The following FAM13B variants were observed in gnomAD, a reference collection of about 807,000 sequenced individuals.
FAM13B encodes the protein family with sequence similarity 13 member B, also known as protein FAM13B.
Under a neutral mutation model 117.3 loss-of-function variants are expected in FAM13B, and 60 were observed. That is an observed-to-expected ratio of 0.51 (90% CI 0.42 to 0.63). FAM13B has a LOEUF of 0.63. FAM13B is among the 30% of genes least tolerant of loss of function. The pLI, the probability that FAM13B is intolerant of heterozygous loss-of-function variation, is 0.00. For missense variants in FAM13B, 972 were observed against 1,091.9 expected, an observed-to-expected ratio of 0.89 and a Z score of 1.55; for synonymous variants, 332 against 356.1, an observed-to-expected ratio of 0.93 and a Z score of 0.76.
intron 1 of FAM13B, among the ~76,000 whole-genome samples, chr5:138,025,103 A>AC (rs1045092885): frequency 2.0e-5 from 3 of 151,532 alleles, no homozygotes; most frequent in African/African-American, 7.3e-5. Context: ...CGAACTCCTG[A>AC]CCTCAGGTGA....
At chr5:137,968,749 C>T (rs1255543163) in intron 10 of FAM13B, among the ~76,000 whole-genome samples, 5 of 152,162 alleles carry the variant, frequency 3.3e-5, no homozygotes, top group Admixed American at 6.5e-5. Flanking sequence ...TCAGTGGGTG[C>T]GTGCATCGTG....
intron 7 of FAM13B, among the ~76,000 whole-genome samples, chr5:137,993,516 C>T (rs1296644432): frequency 6.6e-6 from 1 of 151,842 alleles, no homozygotes; most frequent in African/African-American, 2.4e-5. Context: ...AGCATGGTGG[C>T]TCATGCCTAT....
In FAM13B at chr5:138,026,500, G is replaced by A. The variant is rs1243644459; in HGVS notation, c.-202-5303C>T. On this transcript the variant is annotated intron_variant, in intron 1 of 23. Coordinates refer to ENST00000689681, the MANE Select transcript of FAM13B (RefSeq NM_001385994.1). ...AAATTAGCTGGGCATGATGTCATGCGCCTGCAGTCCCAGCTACTCGGGAGG... is the reference window on the plus strand; with the variant it reads ...AAATTAGCTGGGCATGATGTCATGCACCTGCAGTCCCAGCTACTCGGGAGG... Among the ~76,000 whole-genome samples, 7 of 151,026 alleles carry A rather than the reference G, an allele frequency of 4.6e-5. No individual in the cohort carries two copies. In the East Asian group the frequency reaches 9.8e-4, roughly 21 times the overall value.
At chr5:137,998,740 A>G (rs1341493560) in intron 7 of FAM13B, among the ~76,000 whole-genome samples, 1 of 152,266 alleles carries the variant, frequency 6.6e-6, no homozygotes, top group Non-Finnish European at 1.5e-5. Flanking sequence ...ACTTTAACAA[A>G]TGTGCCAACT....
intron 2 of FAM13B, among the ~76,000 whole-genome samples, chr5:138,020,167 TCTC>T (rs1786329353): frequency 6.6e-6 from 1 of 151,766 alleles, no homozygotes; most frequent in Non-Finnish European, 1.5e-5. Flanking sequence ...TTCAGGCGGT[TCTC>T]CTGCCTCAGC....
At chr5:138,001,910 AAG>A (rs1014011599) in intron 7 of FAM13B, among the ~76,000 whole-genome samples, 3 of 152,190 alleles carry the variant, frequency 2.0e-5, no homozygotes, top group Non-Finnish European at 2.9e-5. Flanking sequence ...AGAATGACCA[AAG>A]AGAGAGCAGG....
At chr5:137,969,892 A>G (rs1771491657) in intron 10 of FAM13B, among the ~76,000 whole-genome samples, 1 of 152,192 alleles carries the variant, frequency 6.6e-6, no homozygotes, top group Admixed American at 6.5e-5. Context: ...AAATGAAGCG[A>G]GAAGGGAAGT....
intron 18 of FAM13B, among the ~76,000 whole-genome samples, chr5:137,948,306 C>A (rs1370528850): frequency 1.3e-5 from 2 of 152,072 alleles, no homozygotes; most frequent in African/African-American, 2.4e-5. Context: ...TAAAATATAA[C>A]CAGCCAACGT....
At chr5:137,971,820 A>T (rs1459953322) in intron 10 of FAM13B, among the ~76,000 whole-genome samples, 1 of 151,958 alleles carries the variant, frequency 6.6e-6, no homozygotes, top group African/African-American at 2.4e-5. Context: ...ACCATCAGAG[A>T]ATACTACAAA....
At chr5:137,966,492 G>T (rs71587265) in intron 10 of FAM13B, among the ~76,000 whole-genome samples, 4,037 of 88,236 alleles carry the variant, frequency 0.046, 60 homozygotes, top group South Asian at 0.073. Flanking sequence ...TATATATAGA[G>T]AGAGAGAGAG....
chr5:138,042,757 G>C (rs879027230), intron 1 of FAM13B, among the ~76,000 whole-genome samples: 2 of 152,042 alleles, frequency 1.3e-5, no homozygotes, highest in Non-Finnish European at 2.9e-5. Flanking sequence ...TCTTATTCTT[G>C]ATATGAGCTG....
chr5:138,004,626 A>AT (rs1782099469), intron 7 of FAM13B, among the ~76,000 whole-genome samples: 1 of 152,244 alleles, frequency 6.6e-6, no homozygotes, highest in Admixed American at 6.5e-5. Context: ...TTACATTTAA[A>AT]TACACACAAG....
rs768119027 is a variant in FAM13B, at chr5:137,954,258, T to C, written c.1626A>G (p.Leu542=). Residue 542 remains leucine (L), a synonymous_variant, in exon 15 of 24, where the codon TTA becomes TTG. Coordinates refer to ENST00000689681, the MANE Select transcript of FAM13B (RefSeq NM_001385994.1). Reference sequence around the variant, plus strand: ...GACCAAAATCTAAACTGCGGTGTGATAATACTGGAGGACAGTCCTCTTCCA... The same window carrying C: ...GACCAAAATCTAAACTGCGGTGTGACAATACTGGAGGACAGTCCTCTTCCA... ...HPLEEDCPPV[L]SHRSLDFGQS... 26 of 1,613,956 alleles carry C rather than the reference T, an allele frequency of 1.6e-5. No homozygotes were observed. Among genetic ancestry groups the C allele is most frequent in the Admixed American group, 1.0e-4 (6 of 60,000 alleles).
intron 22 of FAM13B, 83 bp downstream of exon 22, chr5:137,942,784 ATTAATTCC>A: frequency 8.9e-7 from 1 of 1,120,012 alleles, no homozygotes; most frequent in Non-Finnish European, 1.3e-6. Flanking sequence ...TTCATCTCCT[ATTAATTCC>A]TTAATACTCA....
intron 23 of FAM13B, 126 bp downstream of exon 23, chr5:137,941,818 T>A (rs1024520518): frequency 9.4e-6 from 7 of 747,598 alleles, no homozygotes; most frequent in African/African-American, 7.1e-5. Flanking sequence ...AGGAATGTTT[T>A]AAAATTTTTC....
intron 1 of FAM13B, among the ~76,000 whole-genome samples, chr5:138,026,202 CTTT>C (rs1788307515): frequency 6.6e-6 from 1 of 152,122 alleles, no homozygotes; most frequent in East Asian, 1.9e-4. Context: ...AAACACAGAA[CTTT>C]TTGAGGTGAT....
At chr5:138,010,456 A>AT (rs1004137280) in intron 6 of FAM13B, among the ~76,000 whole-genome samples, 1 of 152,210 alleles carries the variant, frequency 6.6e-6, no homozygotes, top group African/African-American at 2.4e-5. Context: ...TAATAAAACA[A>AT]TTTTTTAAAA....
intron 10 of FAM13B, among the ~76,000 whole-genome samples, chr5:137,973,466 G>A (rs1043734289): frequency 2.0e-5 from 3 of 151,996 alleles, no homozygotes; most frequent in African/African-American, 7.3e-5. Flanking sequence ...ATTCAAGATG[G>A]ATTAAAGACT....
intron 11 of FAM13B, 27 bp from the exon 12 acceptor site, chr5:137,960,241 A>T: frequency 7.6e-7 from 1 of 1,321,290 alleles, no homozygotes. Context: ...AGTTGTTAGT[A>T]TATTAAGAAT....
Sources: allele counts gnomAD v4.1 joint callset (sites outside exome capture counted in the v4.1 genomes callset), GRCh38; gene constraint gnomAD v4.1.1; transcripts MANE v1.5; gene names NCBI Gene and HGNC (gene_info 2026-07-23, HGNC 2026-07-21).